The following PCDH7 variants were observed in gnomAD, a reference collection of about 807,000 sequenced individuals.
PCDH7 encodes the protein protocadherin-7.
A neutral mutation model predicts 58.9 loss-of-function variants in PCDH7; 17 were observed. The observed-to-expected ratio is 0.29, with a 90% CI of 0.20 to 0.43. PCDH7 has a LOEUF of 0.43. Ranked by LOEUF, PCDH7 falls within the 20% of genes least tolerant of loss-of-function variation. The pLI, the probability that PCDH7 is intolerant of heterozygous loss-of-function variation, is 1.00. For synonymous variants in PCDH7, 664 were observed against 616.4 expected, an observed-to-expected ratio of 1.08 and a Z score of -1.14; for missense variants, 1,274 against 1,441.0, an observed-to-expected ratio of 0.88 and a Z score of 1.88.
intron 1 of PCDH7, among the ~76,000 whole-genome samples, chr4:30,727,685 C>CT (rs1714811404): frequency 6.6e-6 from 1 of 151,852 alleles, no homozygotes; most frequent in Non-Finnish European, 1.5e-5. Context: ...AGTTGTTAAA[C>CT]TTTTGTGAAC....
chr4:30,896,366 G>A (rs1194958770), intron 1 of PCDH7, among the ~76,000 whole-genome samples: 2 of 152,130 alleles, frequency 1.3e-5, no homozygotes, highest in South Asian at 2.1e-4. Flanking sequence ...CTATTTCAAT[G>A]CTGAACTGGC....
At chr4:31,037,646 G>A (rs1384952907) in intron 3 of PCDH7, among the ~76,000 whole-genome samples, 1 of 152,178 alleles carries the variant, frequency 6.6e-6, no homozygotes, top group Non-Finnish European at 1.5e-5. Flanking sequence ...GATAGTAGTT[G>A]GGAATATTTT....
chr4:31,131,257 G>C (rs1718946928), intron 3 of PCDH7, among the ~76,000 whole-genome samples: 1 of 152,152 alleles, frequency 6.6e-6, no homozygotes, highest in South Asian at 2.1e-4. Context: ...AGTAAATAAA[G>C]GAAAACATGT....
chr4:31,114,625 A>G (rs1716755448), intron 3 of PCDH7, among the ~76,000 whole-genome samples: 1 of 120,190 alleles, frequency 8.3e-6, no homozygotes, highest in Non-Finnish European at 1.7e-5. Flanking sequence ...ACACACTCAC[A>G]CATACAAACA....
intron 1 of PCDH7, among the ~76,000 whole-genome samples, chr4:30,891,772 T>TG (rs1428842761): frequency 5.2e-5 from 4 of 76,536 alleles, no homozygotes; most frequent in African/African-American, 4.3e-4. Context: ...GTTGTTTTTT[T>TG]GTTTTTTTTT....
chr4:31,038,552 T>G (rs906518870), intron 3 of PCDH7, among the ~76,000 whole-genome samples: 1 of 152,192 alleles, frequency 6.6e-6, no homozygotes. Flanking sequence ...ATAATTTTAA[T>G]GAATTGTATA....
At chr4:31,109,459 G>A (rs115168242) in intron 3 of PCDH7, among the ~76,000 whole-genome samples, 174 of 152,260 alleles carry the variant, frequency 1.1e-3, no homozygotes, top group Middle Eastern at 6.8e-3. Flanking sequence ...GATTGTAAGA[G>A]GATAAAGTCA....
downstream of PCDH7, among the ~76,000 whole-genome samples, chr4:30,733,346 A>G: frequency 6.6e-6 from 1 of 152,082 alleles, no homozygotes; most frequent in East Asian, 1.9e-4. Context: ...ATCTATCAGT[A>G]CCGGTCCTGG....
intron 3 of PCDH7, among the ~76,000 whole-genome samples, chr4:31,030,998 A>G (rs1754863753): frequency 6.6e-6 from 1 of 152,164 alleles, no homozygotes; most frequent in African/African-American, 2.4e-5. Context: ...GATTTCAACC[A>G]GTTTCCTTTC....
chr4:31,033,856 G>A (rs1044518322), intron 3 of PCDH7, among the ~76,000 whole-genome samples: 2 of 152,132 alleles, frequency 1.3e-5, no homozygotes, highest in African/African-American at 2.4e-5. Flanking sequence ...CACTTTGAGA[G>A]GCTGAGGTGG....
At chr4:30,816,845 T>A (rs930400143) in intron 1 of PCDH7, among the ~76,000 whole-genome samples, 4 of 152,106 alleles carry the variant, frequency 2.6e-5, no homozygotes, top group African/African-American at 7.2e-5. Context: ...AAAAGGGGCA[T>A]TTTTTGGATT....
intron 3 of PCDH7, among the ~76,000 whole-genome samples, chr4:30,996,549 A>G (rs1751916880): frequency 6.6e-6 from 1 of 152,082 alleles, no homozygotes; most frequent in Non-Finnish European, 1.5e-5. Flanking sequence ...ACCTGCTCAG[A>G]CCTTTCGAGA....
rs1578687995 is a variant in PCDH7, at chr4:31,061,244, T to TAAATATTTAAAATAAAATCCCTG, written c.*8-81229_*8-81228insAAATATTTAAAATAAAATCCCTG. ...CACTGTTCCCTGGATTGAATATTTG[T>TAAATATTTAAAATAAAATCCCTG]GATTTTATTTTAAAATCTCTTTTAG... On this transcript the variant is annotated intron_variant, in intron 3 of 3. Transcript: ENST00000509759. 2.6e-5 allele frequency among the ~76,000 whole-genome samples: 4 copies of TAAATATTTAAAATAAAATCCCTG among 151,882 alleles called. No homozygotes were observed. In the East Asian group the frequency reaches 7.7e-4, roughly 29 times the overall value.
At chr4:30,870,098 A>G (rs187835706) in intron 1 of PCDH7, among the ~76,000 whole-genome samples, 3 of 152,070 alleles carry the variant, frequency 2.0e-5, no homozygotes, top group Admixed American at 1.3e-4. Context: ...AGAAGTGTCT[A>G]TTCATATCCT....
At chr4:31,005,430 CA>C (rs35105656) in intron 3 of PCDH7, among the ~76,000 whole-genome samples, 15,324 of 152,084 alleles carry the variant, frequency 0.1, 869 homozygotes, top group Non-Finnish European at 0.13. Context: ...ATTGTGTCAT[CA>C]ACCCTTCTTC....
At chr4:31,125,253 C>T (rs1428422783) in intron 3 of PCDH7, among the ~76,000 whole-genome samples, 1 of 152,114 alleles carries the variant, frequency 6.6e-6, no homozygotes. Flanking sequence ...CAGTCACATC[C>T]GAGTGTGGTT....
rs114026952 is a variant in PCDH7 at position 31,057,246 on chromosome 4, T to A, written c.*8-85227T>A. On this transcript the variant is annotated intron_variant, in intron 3 of 3. Transcript: ENST00000509759. ...ACCTAGCAGAAATTGACTTTATTTT[T>A]CTGACTCCATTTAAATAATAATCTC... Among the ~76,000 whole-genome samples the A allele has an allele frequency of 3.0e-3, 452 of 152,284 alleles. 1 individual carries two copies. Among genetic ancestry groups the A allele is most frequent in the African/African-American group, 0.011 (443 of 41,570 alleles).
intron 1 of PCDH7, among the ~76,000 whole-genome samples, chr4:30,806,996 A>G (rs1353815760): frequency 1.3e-5 from 2 of 152,162 alleles, no homozygotes; most frequent in Non-Finnish European, 2.9e-5. Flanking sequence ...GGTATCTGCT[A>G]ATGCATTAGG....
intron 2 of PCDH7, among the ~76,000 whole-genome samples, chr4:30,928,370 A>G (rs774677919): frequency 2.0e-5 from 3 of 152,224 alleles, no homozygotes; most frequent in Non-Finnish European, 4.4e-5. Flanking sequence ...CTTTGCTAAT[A>G]AAGCAAAGTA....
Sources: allele counts gnomAD v4.1 joint callset (sites outside exome capture counted in the v4.1 genomes callset), GRCh38; gene constraint gnomAD v4.1.1; transcripts MANE v1.5; gene names NCBI Gene and HGNC (gene_info 2026-07-23, HGNC 2026-07-21).